Variants in LZTS1 observed in about 807,000 individuals in gnomAD.
LZTS1 encodes leucine zipper tumor suppressor 1.
Under a neutral mutation model 45.8 loss-of-function variants are expected in LZTS1, and 31 were observed. That is an observed-to-expected ratio of 0.68 (90% CI 0.51 to 0.91). The LOEUF is 0.91. Among genes scored for constraint, LZTS1 ranks in the 40% least tolerant of loss-of-function variants. The pLI, the probability that LZTS1 is intolerant of heterozygous loss-of-function variation, is 0.00. For missense variants in LZTS1, 821 were observed against 788.9 expected (o/e 1.04, Z -0.49); for synonymous variants, 359 against 357.3 (o/e 1.00, Z -0.05).
rs201797982 is a variant in LZTS1, at chr8:20,249,688, C to T, written c.*34G>A. The T allele has an allele frequency of 2.8e-4, 433 of 1,569,570 alleles. No homozygotes were observed. The highest frequency in any genetic ancestry group is 3.3e-4 in the Non-Finnish European group (387 of 1,161,922). The stretch of plus-strand genomic sequence containing the variant: ...CACGGGAGAGCCCTGCCTCCCAGTG[C>T]CAGGTCCCCAGACTCGCCTTCCCAG... On this transcript the variant is annotated 3_prime_UTR_variant, in exon 4 of 4. Coordinates refer to ENST00000381569, the MANE Select transcript of LZTS1 (RefSeq NM_021020.5).
rs150225368 is a variant in LZTS1 at position 20,250,030 on chromosome 8, C to T, written c.1483G>A (p.Glu495Lys). ...ARDMGPPTFP[E>K]DVPALQRELE... ...TCCCGCTGCAGGGCAGGGACGTCCT[C>T]GGGGAAGGTGGGCGGCCCCATGTCG... Residue 495 changes from glutamate (E) to lysine (K), a missense_variant, in exon 4 of 4, where the codon GAG (glutamate) becomes AAG (lysine). Physicochemically the swap from Glu to Lys is moderately conservative, Grantham distance 56 (BLOSUM62 1). Transcript: ENST00000381569. 723 of 1,610,792 alleles carry T rather than the reference C, an allele frequency of 4.5e-4. No individual in the cohort carries two copies. Among genetic ancestry groups the T allele is most frequent in the Non-Finnish European group, 5.4e-4 (632 of 1,179,276 alleles).
chr8:20,250,026 T>C lies in LZTS1; in HGVS notation c.1487A>G (p.Asp496Gly). 6.2e-7 allele frequency: 1 copy of C among 1,611,216 alleles called. No individual in the cohort carries two copies. Residue 496 changes from aspartate to glycine, a missense_variant, in exon 4 of 4, where the codon GAC becomes GGC. Transcript: ENST00000381569. ...RDMGPPTFPE[D>G]VPALQRELER... ...CAGCTCCCGCTGCAGGGCAGGGACG[T>C]CCTCGGGGAAGGTGGGCGGCCCCAT... is the stretch of plus-strand genomic sequence containing the variant.
intron 1 of LZTS1, among the ~76,000 whole-genome samples, chr8:20,277,410 G>A (rs1800606691): frequency 6.6e-6 from 1 of 152,066 alleles, no homozygotes; most frequent in Admixed American, 6.5e-5. Context: ...ATATTCAGCT[G>A]AACAGCCATG....
chr8:20,293,735 C>A (rs1800938139), intron 1 of LZTS1, among the ~76,000 whole-genome samples: 1 of 152,082 alleles, frequency 6.6e-6, no homozygotes, highest in South Asian at 2.1e-4. Flanking sequence ...GAGTTCAAAA[C>A]CAGCCTGGGT....
chr8:20,296,030 C>A (rs1403719281), intron 1 of LZTS1, among the ~76,000 whole-genome samples: 1 of 152,168 alleles, frequency 6.6e-6, no homozygotes, highest in Non-Finnish European at 1.5e-5. Context: ...CTGCCTTACA[C>A]CCACTCTCTG....
intron 1 of LZTS1, among the ~76,000 whole-genome samples, chr8:20,300,329 CTG>C (rs1049479196): frequency 1.3e-5 from 2 of 152,060 alleles, no homozygotes; most frequent in Non-Finnish European, 2.9e-5. Context: ...AAAGCCAACA[CTG>C]TATTTTTTTT....
intron 1 of LZTS1, among the ~76,000 whole-genome samples, chr8:20,271,094 G>A (rs929825154): frequency 6.6e-6 from 1 of 152,198 alleles, no homozygotes; most frequent in Middle Eastern, 3.4e-3. Flanking sequence ...GGGAGTCTGT[G>A]TGCACAAGCC....
intron 1 of LZTS1, among the ~76,000 whole-genome samples, chr8:20,281,644 G>A (rs964687680): frequency 6.6e-6 from 1 of 152,142 alleles, no homozygotes; most frequent in Non-Finnish European, 1.5e-5. Context: ...TTGCACAAGA[G>A]CTGGTCATTG....
intron 1 of LZTS1, among the ~76,000 whole-genome samples, chr8:20,259,965 G>A (rs75828631): frequency 0.029 from 4,362 of 152,302 alleles, 97 homozygotes; most frequent in South Asian, 0.058. Flanking sequence ...AGGTAACAGT[G>A]ATCACAGCTC....
intron 1 of LZTS1, among the ~76,000 whole-genome samples, chr8:20,280,248 C>T (rs1800661752): frequency 6.6e-6 from 1 of 152,184 alleles, no homozygotes; most frequent in Non-Finnish European, 1.5e-5. Flanking sequence ...TGCACCCTTC[C>T]TTCTGCTTTC....
At position 20,253,420 on chromosome 8, in the gene LZTS1, G is replaced by A. The variant is rs1409834455; in HGVS notation, c.511C>T (p.Leu171=). 6.2e-7 allele frequency: 1 copy of A among 1,611,606 alleles called. No individual in the cohort carries two copies. Among genetic ancestry groups the A allele is most frequent in the Non-Finnish European group, 8.5e-7 (1 of 1,178,722 alleles). ...ELKPGLCSGA[L]SDSGRNSMSS... Reference sequence around the variant, plus strand: ...ATGGAGTTCCGGCCGGAGTCTGACAGCGCCCCAGAGCACAGGCCAGGCTTC... The same window carrying A: ...ATGGAGTTCCGGCCGGAGTCTGACAACGCCCCAGAGCACAGGCCAGGCTTC... The change falls in exon 3 of 4, where the codon CTG becomes TTG. Residue 171 remains leucine, a synonymous_variant. Coordinates refer to ENST00000381569, the MANE Select transcript of LZTS1 (RefSeq NM_021020.5).
chr8:20,262,722 G>T (rs940321220), intron 1 of LZTS1, among the ~76,000 whole-genome samples: 1 of 152,118 alleles, frequency 6.6e-6, no homozygotes, highest in Admixed American at 6.5e-5. Flanking sequence ...CATGATGGGG[G>T]TGCTACTGTT....
chr8:20,303,458 C>G (rs1388236063), intron 1 of LZTS1, among the ~76,000 whole-genome samples: 1 of 152,188 alleles, frequency 6.6e-6, no homozygotes, highest in Admixed American at 6.5e-5. Context: ...TGGGAATAGA[C>G]GAACCCCGTC....
intron 1 of LZTS1, among the ~76,000 whole-genome samples, chr8:20,278,139 A>T (rs1024048245): frequency 6.6e-6 from 1 of 152,176 alleles, no homozygotes; most frequent in Non-Finnish European, 1.5e-5. Flanking sequence ...GGTGCCAGGG[A>T]CAGGCAGTCT....
chr8:20,276,594 C>A (rs553040881), intron 1 of LZTS1, among the ~76,000 whole-genome samples: 1 of 152,192 alleles, frequency 6.6e-6, no homozygotes, highest in Non-Finnish European at 1.5e-5. Flanking sequence ...TTTGTAATAT[C>A]CTGTACAATC....
chr8:20,261,544 C>T (rs1047157780), intron 1 of LZTS1, among the ~76,000 whole-genome samples: 1 of 152,202 alleles, frequency 6.6e-6, no homozygotes, highest in African/African-American at 2.4e-5. Flanking sequence ...GCTGCCCCAT[C>T]CCCAGCCCCC....
intron 2 of LZTS1, among the ~76,000 whole-genome samples, chr8:20,254,238 C>T (rs976769103): frequency 2.6e-5 from 4 of 152,194 alleles, no homozygotes; most frequent in Admixed American, 6.5e-5. Context: ...ACTCGTGGGA[C>T]GCACGAGGGC....
intron 1 of LZTS1, among the ~76,000 whole-genome samples, chr8:20,296,482 G>A (rs772136801): frequency 1.3e-5 from 2 of 152,202 alleles, no homozygotes; most frequent in Non-Finnish European, 2.9e-5. Context: ...GCATGGCATC[G>A]GGGAGGGGGC....
At chr8:20,264,160 C>A (rs1050511943) in intron 1 of LZTS1, among the ~76,000 whole-genome samples, 1 of 152,120 alleles carries the variant, frequency 6.6e-6, no homozygotes, top group African/African-American at 2.4e-5. Flanking sequence ...TCATATATAT[C>A]ATTCTGCAAC....
Sources: gnomAD v4.1 joint callset for allele counts (sites outside exome capture counted in the v4.1 genomes callset) on GRCh38, gnomAD v4.1.1 for gene constraint, MANE v1.5 for transcripts, NCBI Gene and HGNC (gene_info 2026-07-23, HGNC 2026-07-21) for gene names.